MRPS5: variants seen among roughly 807,000 people sequenced by gnomAD.
The protein encoded by MRPS5 is mitochondrial ribosomal protein S5.
MRPS5 carries 27 observed loss-of-function variants against 51.9 expected under a neutral mutation model. The observed-to-expected ratio is 0.52, with a 90% CI of 0.38 to 0.72. MRPS5 has a LOEUF of 0.72. MRPS5 is among the 30% of genes least tolerant of loss of function. The pLI, the probability that MRPS5 is intolerant of heterozygous loss-of-function variation, is 0.00. For synonymous variants in MRPS5, 196 were observed against 193.2 expected (o/e 1.01, Z -0.12); for missense variants, 570 against 545.7 (o/e 1.04, Z -0.44).
chr2:95,105,131 T>C (rs1675911874), intron 6 of MRPS5, among the ~76,000 whole-genome samples: 1 of 152,176 alleles, frequency 6.6e-6, no homozygotes, highest in Non-Finnish European at 1.5e-5. Flanking sequence ...GTGAGGAAAA[T>C]GTACACCTCA....
At chr2:95,090,347 A>C (rs1675425754) in intron 11 of MRPS5, 39 bp downstream of exon 11, 2 of 1,607,154 alleles carry the variant, frequency 1.2e-6, no homozygotes, top group East Asian at 4.5e-5. Flanking sequence ...ACTGAAATAC[A>C]AACTAGAACC....
rs1245074226 is a variant in MRPS5, at chr2:95,086,210, A to T, written c.*1147T>A. ...GCTGGGGTTATAGGCGTGAGCCACC[A>T]CACCTACCTGATGACAAAGATTTTA... On this transcript the variant is annotated 3_prime_UTR_variant, in exon 12 of 12. Transcript: ENST00000272418. Among the ~76,000 whole-genome samples, 3 of 152,172 alleles carry T rather than the reference A, an allele frequency of 2.0e-5. No individual in the cohort carries two copies. Among genetic ancestry groups the T allele is most frequent in the African/African-American group, 7.2e-5 (3 of 41,442 alleles).
In MRPS5 at chr2:95,106,477, A is replaced by G; in HGVS notation, c.638-20T>C. ...ATGTTTCTGTAGGGAGAAAAGAAAC[A>G]GGGATACAGATGAAATGTGTGTACA... On this transcript the variant is annotated intron_variant, in intron 5 of 11. Transcript: ENST00000272418. The G allele has an allele frequency of 6.2e-7, 1 of 1,603,146 alleles. No homozygotes were observed. Among genetic ancestry groups the G allele is most frequent in the Non-Finnish European group, 8.5e-7 (1 of 1,170,162 alleles).
At chr2:95,089,816 T>C (rs1675404406) in intron 11 of MRPS5, among the ~76,000 whole-genome samples, 1 of 152,204 alleles carries the variant, frequency 6.6e-6, no homozygotes, top group Non-Finnish European at 1.5e-5. Context: ...ATTTTCATAA[T>C]AACATGTAGA....
At chr2:95,106,505 A>C (rs375374542) in intron 5 of MRPS5, 48 bp from the exon 6 acceptor site, 24 of 1,486,260 alleles carry the variant, frequency 1.6e-5, no homozygotes, top group Non-Finnish European at 2.2e-5. Flanking sequence ...TGTGTACACA[A>C]TTAACATGAA....
chr2:95,100,192 C>T (rs142051804), intron 10 of MRPS5, among the ~76,000 whole-genome samples: 24 of 152,348 alleles, frequency 1.6e-4, no homozygotes, highest in Admixed American at 5.2e-4. Flanking sequence ...TGTTCCCACT[C>T]CTCCAAACCC....
chr2:95,106,713 C>G (rs1221011155), intron 5 of MRPS5: 3 of 532,932 alleles, frequency 5.6e-6, no homozygotes, highest in South Asian at 4.3e-5. Flanking sequence ...CCTGGCCCCT[C>G]CAGACCCTGG....
At chr2:95,118,368 C>T (rs982471426) in intron 1 of MRPS5, among the ~76,000 whole-genome samples, 5 of 152,250 alleles carry the variant, frequency 3.3e-5, no homozygotes, top group African/African-American at 4.8e-5. Flanking sequence ...TGACTCCCTA[C>T]TATCTTCAGA....
At chr2:95,100,270 A>G (rs1675757882) in intron 10 of MRPS5, among the ~76,000 whole-genome samples, 1 of 152,220 alleles carries the variant, frequency 6.6e-6, no homozygotes, top group Non-Finnish European at 1.5e-5. Context: ...TTCCTGGAAC[A>G]GGCCTGTGCT....
intron 6 of MRPS5, 59 bp downstream of exon 6, chr2:95,106,364 G>GCCCCC: frequency 1.2e-5 from 9 of 741,048 alleles, no homozygotes; most frequent in Non-Finnish European, 1.9e-5. Flanking sequence ...CCCTGTCCCT[G>GCCCCC]CCCCACCCAC....
intron 10 of MRPS5, among the ~76,000 whole-genome samples, chr2:95,098,638 G>A (rs534595086): frequency 5.3e-5 from 8 of 152,218 alleles, no homozygotes; most frequent in African/African-American, 1.9e-4. Flanking sequence ...ACTGAACAAT[G>A]AGAACACTTG....
intron 4 of MRPS5, among the ~76,000 whole-genome samples, chr2:95,108,836 T>C (rs866208309): frequency 4.6e-5 from 7 of 152,300 alleles, no homozygotes; most frequent in Middle Eastern, 6.8e-3. Context: ...AAAAGTAAAC[T>C]GTAAGACAGC....
At chr2:95,121,824 C>G, upstream of MRPS5, 3 of 1,519,758 alleles carry the variant, frequency 2.0e-6, no homozygotes, top group Non-Finnish European at 2.6e-6. Flanking sequence ...GGCCTCCGCC[C>G]AGGGCAGCCT....
intron 3 of MRPS5, among the ~76,000 whole-genome samples, chr2:95,114,223 A>G (rs1345444794): frequency 1.3e-5 from 2 of 151,348 alleles, no homozygotes; most frequent in African/African-American, 4.9e-5. Context: ...CAAATATTCT[A>G]AACTAATCAT....
chr2:95,100,761 T>TA, intron 9 of MRPS5, 76 bp downstream of exon 9: 1 of 1,133,996 alleles, frequency 8.8e-7, no homozygotes, highest in Non-Finnish European at 1.3e-6. Flanking sequence ...AAGATACCTA[T>TA]AGAGATACAT....
chr2:95,097,780 AG>A, intron 10 of MRPS5, among the ~76,000 whole-genome samples: 1 of 152,348 alleles, frequency 6.6e-6, no homozygotes, highest in East Asian at 1.9e-4. Flanking sequence ...TTCAGGTCAT[AG>A]GCATGGGCAA....
chr2:95,107,094 C>A lies in MRPS5; in HGVS notation c.638-637G>T, dbSNP rs116006492. 3.3e-3 allele frequency among the ~76,000 whole-genome samples: 510 copies of A among 152,282 alleles called. 5 individuals carry two copies. Among genetic ancestry groups the A allele is most frequent in the African/African-American group, 0.012 (490 of 41,546 alleles). On this transcript the variant is annotated intron_variant, in intron 5 of 11. Coordinates refer to ENST00000272418, the MANE Select transcript of MRPS5 (RefSeq NM_031902.5). ...ATTTTCAAAATATTTTTATCACAGA[C>A]AATTTCAATCAAACAAAAATAGAAC... is the stretch of plus-strand genomic sequence containing the variant.
At chr2:95,121,907 A>C, upstream of MRPS5, 1 of 1,202,152 alleles carries the variant, frequency 8.3e-7, no homozygotes, top group South Asian at 1.6e-5. Flanking sequence ...CTGAGGCCCG[A>C]GTCCACGCAG....
At chr2:95,087,732 A>C in intron 11 of MRPS5, 151 bp from the exon 12 acceptor site, 1 of 673,954 alleles carries the variant, frequency 1.5e-6, no homozygotes, top group South Asian at 2.0e-5. Context: ...GCTAAACTCT[A>C]ATAACCTGTC....
Sources: gnomAD v4.1 joint callset for allele counts (sites outside exome capture counted in the v4.1 genomes callset) on GRCh38, gnomAD v4.1.1 for gene constraint, MANE v1.5 for transcripts, NCBI Gene and HGNC (gene_info 2026-07-23, HGNC 2026-07-21) for gene names.